Variants in CACNA2D4 observed in about 807,000 individuals in gnomAD.
The protein encoded by CACNA2D4 is calcium voltage-gated channel auxiliary subunit alpha2delta 4.
Under a neutral mutation model 163.8 loss-of-function variants are expected in CACNA2D4, and 157 were observed. The ratio of observed to expected loss-of-function variants is 0.96; its 90% CI spans 0.84 to 1.09. The LOEUF (loss-of-function observed/expected upper bound fraction) is 1.09, where lower values mean the gene tolerates loss of function less well. CACNA2D4 is among the 50% of genes least tolerant of loss of function. CACNA2D4 has a pLI of 0.00. For synonymous variants in CACNA2D4, 598 were observed against 586.9 expected (o/e 1.02, Z -0.27); for missense variants, 1,410 against 1,479.9 (o/e 0.95, Z 0.78).
intron 6 of CACNA2D4, among the ~76,000 whole-genome samples, chr12:1,897,548 T>C (rs968562184): frequency 6.6e-6 from 1 of 152,194 alleles, no homozygotes; most frequent in Non-Finnish European, 1.5e-5. Flanking sequence ...CACATTCAAA[T>C]ATACCAATGT....
At position 1,839,899 on chromosome 12, in the gene CACNA2D4, G is replaced by A. The variant is rs11835121; in HGVS notation, c.2551+840C>T. Among the ~76,000 whole-genome samples, 654 of 152,314 alleles carry A rather than the reference G, an allele frequency of 4.3e-3. 2 individuals are homozygous for A. Among genetic ancestry groups the A allele is most frequent in the African/African-American group, 0.014 (596 of 41,546 alleles). ...AGGTCTGGACTGAATTATGGCATCCGATCCCCGCTAGTTGGGTTGCTTTGA... is the reference window on the plus strand; with the variant it reads ...AGGTCTGGACTGAATTATGGCATCCAATCCCCGCTAGTTGGGTTGCTTTGA... On this transcript the variant is annotated intron_variant, in intron 26 of 37. Transcript: ENST00000382722.
chr12:1,859,999 T>C, intron 19 of CACNA2D4, 146 bp downstream of exon 19: 1 of 647,226 alleles, frequency 1.5e-6, no homozygotes, highest in East Asian at 2.8e-5. Flanking sequence ...CATTCTAGGC[T>C]ACACTGGCAA....
intron 13 of CACNA2D4, among the ~76,000 whole-genome samples, chr12:1,881,830 C>G (rs1056148960): frequency 2.0e-5 from 3 of 152,248 alleles, no homozygotes; most frequent in South Asian, 4.1e-4. Context: ...GATTAATGAG[C>G]TTTTCATCCC....
intron 8 of CACNA2D4, 34 bp from the exon 9 acceptor site, chr12:1,886,073 G>T (rs1224952866): frequency 6.3e-7 from 1 of 1,577,464 alleles, no homozygotes; most frequent in East Asian, 2.2e-5. Flanking sequence ...GAGGTGGGGG[G>T]AGAATAAACA....
chr12:1,805,503 C>T (rs1224623527), intron 29 of CACNA2D4, among the ~76,000 whole-genome samples: 6 of 152,194 alleles, frequency 3.9e-5, no homozygotes, highest in South Asian at 2.1e-4. Context: ...GTGTCTGGCT[C>T]GGGTCGGGAT....
At chr12:1,818,632 G>A (rs1297894682) in intron 26 of CACNA2D4, among the ~76,000 whole-genome samples, 1 of 151,264 alleles carries the variant, frequency 6.6e-6, no homozygotes, top group Non-Finnish European at 1.5e-5. Flanking sequence ...CACAAACACT[G>A]CGGAAGGCCG....
Position 1,915,741 on chromosome 12 carries a change from C to T in CACNA2D4, c.228-806G>A, listed in dbSNP as rs189168590. Among the ~76,000 whole-genome samples, 122 of 152,354 alleles carry T rather than the reference C, an allele frequency of 8.0e-4. 1 individual carries two copies. In the East Asian group the frequency reaches 0.02, roughly 25 times the overall value. ...CCCCAGAAATGCACCACAATCCCACCATCTTGGCCAGGCTGGTGGGGTCCT... is the reference window on the plus strand; with the variant it reads ...CCCCAGAAATGCACCACAATCCCACTATCTTGGCCAGGCTGGTGGGGTCCT... On this transcript the variant is annotated intron_variant, in intron 1 of 37. Coordinates refer to ENST00000382722, the MANE Select transcript of CACNA2D4 (RefSeq NM_172364.5).
Position 1,834,658 on chromosome 12 carries a change from G to C in CACNA2D4, c.2551+6081C>G. ...ACCACCGGGAGCTCAAAAAGCGCCA[G>C]CCCCTGATGGGGGACCCCGAGGGCG... is the stretch of plus-strand genomic sequence containing the variant. On this transcript the variant is annotated intron_variant, in intron 26 of 37. Coordinates refer to ENST00000382722, the MANE Select transcript of CACNA2D4 (RefSeq NM_172364.5). The surrounding 1 kb of genome is among the most constrained non-coding windows in gnomAD (Gnocchi z 7.6). The C allele has an allele frequency of 2.5e-6, 4 of 1,601,426 alleles. No homozygotes were observed. Among genetic ancestry groups the C allele is most frequent in the Non-Finnish European group, 3.4e-6 (4 of 1,179,790 alleles).
chr12:1,875,477 G>T lies in CACNA2D4; in HGVS notation c.1720-140C>A, dbSNP rs1865863815. 1 of 637,178 alleles carries T rather than the reference G, an allele frequency of 1.6e-6. No homozygotes were observed. Among genetic ancestry groups the T allele is most frequent in the East Asian group, 2.8e-5 (1 of 36,252 alleles). The allele number at this position is 637,178 out of a possible 1,614,324, so 39.5% of individuals were successfully genotyped here. ...TCAATCAATCCAGTAATTACTTAAG[G>T]TTATCTGGGCAAATTCCACCTGATA... On this transcript the variant is annotated intron_variant, in intron 16 of 37. Coordinates refer to ENST00000382722, the MANE Select transcript of CACNA2D4 (RefSeq NM_172364.5). This position sits in a 1 kb window ranked among gnomAD's most constrained non-coding sequence, Gnocchi z 4.0.
intron 29 of CACNA2D4, among the ~76,000 whole-genome samples, 200 bp from the exon 30 acceptor site, chr12:1,801,844 C>T (rs1863344711): frequency 6.6e-6 from 1 of 152,168 alleles, no homozygotes; most frequent in Non-Finnish European, 1.5e-5. Flanking sequence ...CCTCACCGTC[C>T]AGCCTGGTGC....
At chr12:1,882,597 C>A (rs373386560) in intron 13 of CACNA2D4, among the ~76,000 whole-genome samples, 6 of 152,108 alleles carry the variant, frequency 3.9e-5, no homozygotes, top group African/African-American at 1.2e-4. Context: ...GGAACAACTT[C>A]GGAGCAGGGA....
At chr12:1,847,873 A>AG (rs1865184858) in intron 23 of CACNA2D4, among the ~76,000 whole-genome samples, 1 of 151,632 alleles carries the variant, frequency 6.6e-6, no homozygotes, top group Non-Finnish European at 1.5e-5. Flanking sequence ...AACATTTAAA[A>AG]AAACTTCGAT....
chr12:1,827,100 G>T (rs1489309039), intron 26 of CACNA2D4, among the ~76,000 whole-genome samples: 1 of 152,304 alleles, frequency 6.6e-6, no homozygotes, highest in African/African-American at 2.4e-5. Flanking sequence ...GAGGGCGAAG[G>T]AGAGGGGTGC....
intron 12 of CACNA2D4, 136 bp downstream of exon 12, chr12:1,884,107 G>T (rs1592732789): frequency 1.6e-6 from 1 of 641,382 alleles, no homozygotes; most frequent in East Asian, 2.8e-5. Context: ...GAGGGACTGA[G>T]GCTGCTGTTC....
chr12:1,852,696 C>T (rs1865310906), intron 23 of CACNA2D4, among the ~76,000 whole-genome samples: 1 of 152,180 alleles, frequency 6.6e-6, no homozygotes, highest in African/African-American at 2.4e-5. Flanking sequence ...AAAATCATCA[C>T]TGACTAATCT....
rs1057044144 is a variant in CACNA2D4 at position 1,874,971 on chromosome 12, T to G, written c.1806+280A>C. 6.6e-6 allele frequency among the ~76,000 whole-genome samples: 1 copy of G among 152,228 alleles called. No individual in the cohort carries two copies. The highest frequency in any genetic ancestry group is 2.4e-5 in the African/African-American group (1 of 41,460). On this transcript the variant is annotated intron_variant, in intron 17 of 37. Coordinates refer to ENST00000382722, the MANE Select transcript of CACNA2D4 (RefSeq NM_172364.5). This position sits in a 1 kb window ranked among gnomAD's most constrained non-coding sequence, Gnocchi z 4.4. ...GAGATATTGCAATCAAAAGCCAGGCTAAAACATCACTAAAACTCAGACTCT... is the reference window on the plus strand; with the variant it reads ...GAGATATTGCAATCAAAAGCCAGGCGAAAACATCACTAAAACTCAGACTCT...
intron 31 of CACNA2D4, 55 bp from the exon 32 acceptor site, chr12:1,800,493 C>T (rs1863278112): frequency 1.3e-6 from 2 of 1,549,818 alleles, no homozygotes; most frequent in Admixed American, 1.7e-5. Context: ...TGAGGGTGCC[C>T]CCCCCCCACC....
At chr12:1,795,524 G>A (rs1459202789) in intron 36 of CACNA2D4, 143 bp from the exon 37 acceptor site, 1 of 952,948 alleles carries the variant, frequency 1.0e-6, no homozygotes, top group African/African-American at 1.6e-5. Context: ...GGGGCCCAGG[G>A]AAGGGTTAGA....
At chr12:1,797,395 G>T in intron 35 of CACNA2D4, 23 bp downstream of exon 35, 1 of 1,491,452 alleles carries the variant, frequency 6.7e-7, no homozygotes, top group Non-Finnish European at 9.0e-7. Context: ...GGCGGGACGG[G>T]CGGCGCCGCC....
Sources: allele counts gnomAD v4.1 joint callset (sites outside exome capture counted in the v4.1 genomes callset), GRCh38; gene constraint gnomAD v4.1.1; non-coding constraint Gnocchi (gnomAD v3.1); transcripts MANE v1.5; gene names NCBI Gene and HGNC (gene_info 2026-07-23, HGNC 2026-07-21).